Variants in PEAK1 observed in about 807,000 individuals in gnomAD.
PEAK1 encodes pseudopodium enriched atypical kinase 1.
PEAK1 carries 54 observed loss-of-function variants against 124.7 expected under a neutral mutation model. That is an observed-to-expected ratio of 0.43 (90% CI 0.35 to 0.54). PEAK1 has a LOEUF of 0.54. Among genes scored for constraint, PEAK1 ranks in the 20% least tolerant of loss-of-function variants. The pLI is 0.01. For synonymous variants in PEAK1, 719 were observed against 760.0 expected, an observed-to-expected ratio of 0.95 and a Z score of 0.89; for missense variants, 2,046 against 2,134.5, an observed-to-expected ratio of 0.96 and a Z score of 0.82.
At chr15:77,118,977 A>G (rs1215411554) in intron 9 of PEAK1, among the ~76,000 whole-genome samples, 1 of 81,504 alleles carries the variant, frequency 1.2e-5, no homozygotes, top group African/African-American at 3.3e-5. Context: ...CAGTGACACT[A>G]GAGGGAGCTG....
intron 6 of PEAK1, among the ~76,000 whole-genome samples, chr15:77,195,573 ACTT>A (rs1247168690): frequency 6.6e-6 from 1 of 152,126 alleles, no homozygotes; most frequent in Non-Finnish European, 1.5e-5. Flanking sequence ...CCCTCTCTTG[ACTT>A]CTTTTGTTCT....
At chr15:77,207,534 T>C (rs945323797) in intron 6 of PEAK1, among the ~76,000 whole-genome samples, 1 of 152,212 alleles carries the variant, frequency 6.6e-6, no homozygotes, top group African/African-American at 2.4e-5. Flanking sequence ...TAGAAGAACC[T>C]TGAATGCACA....
At chr15:77,335,359 C>G in intron 2 of PEAK1, 1 of 985,386 alleles carries the variant, frequency 1.0e-6, no homozygotes, top group Non-Finnish European at 1.2e-6. Flanking sequence ...TTTTCCCATT[C>G]ATCTATGTAT....
intron 1 of PEAK1, among the ~76,000 whole-genome samples, chr15:77,388,963 T>A (rs909966481): frequency 3.4e-5 from 5 of 146,458 alleles, no homozygotes; most frequent in African/African-American, 5.2e-5. Context: ...TTTGCTTATT[T>A]TTTTTTTTTT....
chr15:77,400,430 G>A (rs901571104), intron 1 of PEAK1, among the ~76,000 whole-genome samples: 11 of 151,982 alleles, frequency 7.2e-5, no homozygotes, highest in African/African-American at 2.2e-4. Context: ...CAACAGAAAC[G>A]GATAAAGAAA....
chr15:77,179,839 C>T lies in PEAK1; in HGVS notation c.2088G>A (p.Glu696=), dbSNP rs974821606. The change falls in exon 7 of 10, where the codon GAG becomes GAA. Residue 696 remains glutamate, a synonymous_variant. Coordinates refer to ENST00000682557, the MANE Select transcript of PEAK1 (RefSeq NM_001385026.1). ...LQTKGFSNST[E]HKRGSVAQKV... is the part of the protein sequence containing the mutation. The stretch of plus-strand genomic sequence containing the variant: ...TCTGAGCCACTGAGCCCCTTTTATG[C>T]TCTGTGCTGTTTGAAAACCCTTTAG... The T allele has an allele frequency of 6.2e-7, 1 of 1,614,014 alleles. No homozygotes were observed. The highest frequency in any genetic ancestry group is 8.5e-7 in the Non-Finnish European group (1 of 1,180,020).
intron 5 of PEAK1, among the ~76,000 whole-genome samples, chr15:77,272,570 A>C (rs1250091306): frequency 6.6e-6 from 1 of 152,214 alleles, no homozygotes; most frequent in Non-Finnish European, 1.5e-5. Flanking sequence ...GAAGAAACAG[A>C]AACTCTGAAC....
chr15:77,220,392 A>G (rs1343459808), intron 6 of PEAK1, among the ~76,000 whole-genome samples: 1 of 151,972 alleles, frequency 6.6e-6, no homozygotes, highest in Non-Finnish European at 1.5e-5. Context: ...TGACTACGCA[A>G]TACATCCCTT....
intron 6 of PEAK1, among the ~76,000 whole-genome samples, chr15:77,230,786 T>C (rs2059878503): frequency 1.3e-5 from 2 of 151,984 alleles, no homozygotes; most frequent in Non-Finnish European, 2.9e-5. Context: ...TGGACTATGA[T>C]TGTACCACTA....
At chr15:77,417,467 G>GGGGGGGGGGGGGT in intron 1 of PEAK1, 1 of 774,322 alleles carries the variant, frequency 1.3e-6, no homozygotes, top group Non-Finnish European at 1.6e-6. Context: ...GGCGGGGGGG[G>GGGGGGGGGGGGGT]AGGGGGGCAA....
chr15:77,408,115 A>C (rs1001259939), intron 1 of PEAK1, among the ~76,000 whole-genome samples: 1 of 147,522 alleles, frequency 6.8e-6, no homozygotes. Context: ...ACATATATAC[A>C]CATATATACA....
In PEAK1 at chr15:77,336,368, C is replaced by T. The variant is rs1567275224; in HGVS notation, c.-603+28795G>A. 1.6e-5 allele frequency: 16 copies of T among 985,272 alleles called. No homozygotes were observed. The South Asian group carries it at 2.8e-4, about 17-fold the overall frequency. The allele number at this position is 985,272 out of a possible 1,614,324, so 61.0% of individuals were successfully genotyped here. A position where few individuals can be genotyped will look rare whatever the true frequency, so the allele number is the denominator to read the frequency against. On this transcript the variant is annotated intron_variant, in intron 2 of 9. Transcript: ENST00000682557. ...CACCAAAAAGCTCTCATTATAGAGA[C>T]GTTTACTAGGAACCAAGGCAGCTTT...
At chr15:77,205,904 C>T (rs573679540) in intron 6 of PEAK1, among the ~76,000 whole-genome samples, 9 of 148,362 alleles carry the variant, frequency 6.1e-5, no homozygotes, top group Non-Finnish European at 1.2e-4. Context: ...TATACATGTG[C>T]CATGCTGGTG....
In PEAK1 at chr15:77,419,945, C is replaced by T. The variant is rs1453863902; in HGVS notation, c.-666+61G>A. ...CCCTCAACCCGCGGCAACCCTGGTC[C>T]CACAGACGGCGCGTGAGTAGAAGAC... is the stretch of plus-strand genomic sequence containing the variant. On this transcript the variant is annotated intron_variant, in intron 1 of 9. Coordinates refer to ENST00000682557, the MANE Select transcript of PEAK1 (RefSeq NM_001385026.1). 2 of 149,438 alleles carry T rather than the reference C, an allele frequency of 1.3e-5. 1 individual carries two copies. Among genetic ancestry groups the T allele is most frequent in the Admixed American group, 1.3e-4 (2 of 15,064 alleles). The allele number at this position is 149,438 out of a possible 1,614,324, so 9.3% of individuals were successfully genotyped here.
At chr15:77,341,479 G>GC (rs2066529029) in intron 2 of PEAK1, among the ~76,000 whole-genome samples, 1 of 151,810 alleles carries the variant, frequency 6.6e-6, no homozygotes, top group Non-Finnish European at 1.5e-5. Flanking sequence ...CAGCCTGGGT[G>GC]AGAGAGTAAG....
At chr15:77,408,533 T>C (rs140568716) in intron 1 of PEAK1, among the ~76,000 whole-genome samples, 1 of 149,478 alleles carries the variant, frequency 6.7e-6, no homozygotes, top group African/African-American at 2.5e-5. Flanking sequence ...ACCTATGAAA[T>C]AAAAATTTAA....
At chr15:77,379,757 C>G (rs1328314468) in intron 1 of PEAK1, among the ~76,000 whole-genome samples, 3 of 152,124 alleles carry the variant, frequency 2.0e-5, no homozygotes, top group African/African-American at 7.2e-5. Flanking sequence ...ACTCTTGTAA[C>G]AGGAAACTTT....
rs2051219496 is a variant in PEAK1, at chr15:77,114,879, G to A, written c.4518C>T (p.His1506=). ...AGTGAGTGACATGGTAGGGTTTGAGGTGCTCAAGACCAGAGCATAGCTGTA... is the reference window on the plus strand; with the variant it reads ...AGTGAGTGACATGGTAGGGTTTGAGATGCTCAAGACCAGAGCATAGCTGTA... ...LLLQLCSGLE[H]LKPYHVTHCD... The change falls in exon 10 of 10, where the codon CAC becomes CAT. Residue 1506 remains histidine, a synonymous_variant. Transcript: ENST00000682557. The A allele has an allele frequency of 1.2e-6, 2 of 1,613,668 alleles. No individual in the cohort carries two copies. Among genetic ancestry groups the A allele is most frequent in the African/African-American group, 2.7e-5 (2 of 74,876 alleles).
intron 6 of PEAK1, among the ~76,000 whole-genome samples, chr15:77,237,888 A>T (rs531391437): frequency 6.6e-6 from 1 of 152,120 alleles, no homozygotes; most frequent in Non-Finnish European, 1.5e-5. Context: ...TTGCCTGATT[A>T]ATCTTTTTCT....
Sources: gnomAD v4.1 joint callset for allele counts (sites outside exome capture counted in the v4.1 genomes callset) on GRCh38, gnomAD v4.1.1 for gene constraint, MANE v1.5 for transcripts, NCBI Gene and HGNC (gene_info 2026-07-23, HGNC 2026-07-21) for gene names.